Variants in CSMD1 observed in about 807,000 individuals in gnomAD.
CSMD1 encodes the protein CUB and Sushi multiple domains 1, also known as CUB and sushi domain-containing protein 1.
A neutral mutation model predicts 417.5 loss-of-function variants in CSMD1; 213 were observed. That is an observed-to-expected ratio of 0.51 (90% CI 0.46 to 0.57). The LOEUF is 0.57. Ranked by LOEUF, CSMD1 falls within the 20% of genes least tolerant of loss-of-function variation. The pLI is 0.00. For synonymous variants in CSMD1, 2,862 were observed against 1,736.8 expected (o/e 1.65, Z -16.11); for missense variants, 6,923 against 4,529.7 (o/e 1.53, Z -15.17).
At chr8:4,826,847 T>G (rs1469623925) in intron 1 of CSMD1, among the ~76,000 whole-genome samples, 2 of 152,188 alleles carry the variant, frequency 1.3e-5, no homozygotes, top group Non-Finnish European at 2.9e-5. Flanking sequence ...ATGTTATTAG[T>G]GCCAGCTGAC....
At chr8:3,635,019 A>C (rs1482053660) in intron 7 of CSMD1, among the ~76,000 whole-genome samples, 2 of 151,946 alleles carry the variant, frequency 1.3e-5, no homozygotes, top group African/African-American at 4.8e-5. Flanking sequence ...TAAACATTGA[A>C]AAACTAAGGT....
chr8:4,206,918 G>A (rs1800013683), intron 3 of CSMD1, among the ~76,000 whole-genome samples: 1 of 151,934 alleles, frequency 6.6e-6, no homozygotes, highest in Admixed American at 6.6e-5. Flanking sequence ...TTTAGAGTTG[G>A]GCAAATTGCC....
intron 1 of CSMD1, among the ~76,000 whole-genome samples, chr8:4,798,376 G>A (rs988743851): frequency 2.6e-5 from 4 of 152,148 alleles, no homozygotes; most frequent in South Asian, 2.1e-4. Flanking sequence ...ATTCCATGGT[G>A]TATATGTGCA....
intron 1 of CSMD1, among the ~76,000 whole-genome samples, chr8:4,687,152 G>T (rs145793256): frequency 6.6e-6 from 1 of 152,194 alleles, no homozygotes; most frequent in Non-Finnish European, 1.5e-5. Flanking sequence ...GAAGAGCACC[G>T]CTGCCAGCCA....
intron 5 of CSMD1, among the ~76,000 whole-genome samples, chr8:3,833,506 T>A (rs933379383): frequency 1.3e-5 from 2 of 152,138 alleles, no homozygotes; most frequent in South Asian, 4.1e-4. Context: ...CCTTTCCTCA[T>A]TCATATTCAG....
chr8:4,468,591 C>A (rs1433454629), intron 2 of CSMD1, among the ~76,000 whole-genome samples: 1 of 152,148 alleles, frequency 6.6e-6, no homozygotes, highest in Non-Finnish European at 1.5e-5. Context: ...CATTCAGCCA[C>A]AAATGATTTT....
chr8:3,399,080 C>A (rs1024475532), intron 16 of CSMD1, among the ~76,000 whole-genome samples: 1 of 152,080 alleles, frequency 6.6e-6, no homozygotes, highest in Non-Finnish European at 1.5e-5. Context: ...CATGTGCAAT[C>A]AGACATCAAG....
At chr8:3,172,997 G>A (rs981497105) in intron 37 of CSMD1, among the ~76,000 whole-genome samples, 2 of 152,188 alleles carry the variant, frequency 1.3e-5, no homozygotes, top group African/African-American at 4.8e-5. Context: ...GTCCCAAGAA[G>A]TGATTGTAGG....
chr8:4,986,304 G>A (rs1028346249), intron 1 of CSMD1, among the ~76,000 whole-genome samples: 1 of 152,138 alleles, frequency 6.6e-6, no homozygotes, highest in Admixed American at 6.5e-5. Flanking sequence ...AGGGAATGAT[G>A]AGAGTCCCCG....
chr8:4,607,727 A>G (rs1800953650), intron 2 of CSMD1, among the ~76,000 whole-genome samples: 1 of 152,136 alleles, frequency 6.6e-6, no homozygotes, highest in Non-Finnish European at 1.5e-5. Context: ...GTTAAAGAAA[A>G]CAGTAAACGT....
intron 2 of CSMD1, among the ~76,000 whole-genome samples, chr8:4,494,177 C>G (rs1204859498): frequency 6.6e-6 from 1 of 152,156 alleles, no homozygotes. Context: ...ATATTCCTGT[C>G]AGCCACATAA....
At chr8:3,011,795 A>G (rs1705566241) in intron 52 of CSMD1, among the ~76,000 whole-genome samples, 1 of 152,200 alleles carries the variant, frequency 6.6e-6, no homozygotes, top group Non-Finnish European at 1.5e-5. Flanking sequence ...TGAATGTGGG[A>G]TTCTGTGACA....
At chr8:2,980,957 C>A (rs1466042661) in intron 54 of CSMD1, among the ~76,000 whole-genome samples, 1 of 152,178 alleles carries the variant, frequency 6.6e-6, no homozygotes, top group Non-Finnish European at 1.5e-5. Flanking sequence ...CTCAGTGGAT[C>A]CTAAAATGGA....
chr8:3,908,906 C>T (rs530408938), intron 5 of CSMD1, among the ~76,000 whole-genome samples: 1 of 152,334 alleles, frequency 6.6e-6, no homozygotes, highest in African/African-American at 2.4e-5. Flanking sequence ...GAAGATCACT[C>T]ATGCATCTAT....
At chr8:4,075,414 C>G (rs1470326457) in intron 3 of CSMD1, among the ~76,000 whole-genome samples, 3 of 151,862 alleles carry the variant, frequency 2.0e-5, no homozygotes, top group African/African-American at 7.3e-5. Context: ...TTTTTAATAT[C>G]AAAATAAATT....
intron 7 of CSMD1, among the ~76,000 whole-genome samples, chr8:3,628,582 C>A (rs912441031): frequency 6.6e-6 from 1 of 152,164 alleles, no homozygotes; most frequent in African/African-American, 2.4e-5. Flanking sequence ...AGCCACTGGG[C>A]ATCATGGCAA....
chr8:3,223,124 C>T (rs924649876), intron 28 of CSMD1, among the ~76,000 whole-genome samples: 4 of 152,014 alleles, frequency 2.6e-5, no homozygotes, highest in Non-Finnish European at 5.9e-5. Context: ...TATCATATAC[C>T]ATATACTAAT....
chr8:3,553,755 A>G (rs1027280381), intron 10 of CSMD1, among the ~76,000 whole-genome samples: 6 of 152,228 alleles, frequency 3.9e-5, no homozygotes, highest in African/African-American at 1.2e-4. Flanking sequence ...AAATTAATAA[A>G]TCTAGAGAGA....
intron 3 of CSMD1, among the ~76,000 whole-genome samples, chr8:4,161,182 A>C (rs1402697392): frequency 6.6e-6 from 1 of 152,168 alleles, no homozygotes; most frequent in Non-Finnish European, 1.5e-5. Context: ...AGTACTTGCA[A>C]TGTGCTACTT....
Sources: allele counts gnomAD v4.1 joint callset (sites outside exome capture counted in the v4.1 genomes callset), GRCh38; gene constraint gnomAD v4.1.1; transcripts MANE v1.5; gene names NCBI Gene and HGNC (gene_info 2026-07-23, HGNC 2026-07-21).